Variants in CALD1 observed in about 807,000 individuals in gnomAD.
CALD1 encodes the protein caldesmon.
A neutral mutation model predicts 99.9 loss-of-function variants in CALD1; 33 were observed. That is an observed-to-expected ratio of 0.33 (90% CI 0.25 to 0.44). CALD1 has a LOEUF of 0.44. CALD1 is among the 20% of genes least tolerant of loss of function. CALD1 has a pLI of 1.00. For synonymous variants in CALD1, 310 were observed against 325.0 expected (o/e 0.95, Z 0.50); for missense variants, 861 against 962.1 (o/e 0.89, Z 1.39).
chr7:134,793,514 CTTTTTGTCCCT>C (rs982598255), intron 1 of CALD1, among the ~76,000 whole-genome samples: 2 of 152,090 alleles, frequency 1.3e-5, no homozygotes, highest in African/African-American at 2.4e-5. Context: ...TTATTTTAGC[CTTTTTGTCCCT>C]TTTTTGTCCC....
chr7:134,895,073 C>T (rs1025516800), intron 3 of CALD1, among the ~76,000 whole-genome samples: 1 of 149,976 alleles, frequency 6.7e-6, no homozygotes, highest in African/African-American at 2.5e-5. Flanking sequence ...TCTGAGGGAA[C>T]TGAATCCAAA....
At chr7:134,895,294 A>ATG (rs1284861877) in intron 3 of CALD1, among the ~76,000 whole-genome samples, 9 of 122,650 alleles carry the variant, frequency 7.3e-5, no homozygotes, top group African/African-American at 2.4e-4. Flanking sequence ...GGTTTTATAT[A>ATG]TGTATGTGTG....
At chr7:134,717,509 G>C in the CALD1 span, among the ~76,000 whole-genome samples, 1 of 152,216 alleles carries the variant, frequency 6.6e-6, no homozygotes, top group South Asian at 2.1e-4. Flanking sequence ...CTTTGATCCT[G>C]AGAATGAAGG....
intron 7 of CALD1, among the ~76,000 whole-genome samples, chr7:134,946,847 AT>A (rs543778930): frequency 1.9e-3 from 268 of 143,606 alleles, no homozygotes; most frequent in Middle Eastern, 3.5e-3. Flanking sequence ...CGCCCGGCTA[AT>A]TTTTTTTTTT....
chr7:134,912,488 G>A lies in CALD1; in HGVS notation c.72-16266G>A, dbSNP rs569631068. ...GGAGAGGACACTAATGCTTGTGAAC[G>A]CAGACCAGTGCGTCCTCAGCTCACA... On this transcript the variant is annotated intron_variant, in intron 3 of 14. Transcript: ENST00000361675. Among the ~76,000 whole-genome samples the A allele has an allele frequency of 4.6e-5, 7 of 152,300 alleles. 1 individual carries two copies. The South Asian group carries it at 1.4e-3, about 32-fold the overall frequency.
At chr7:134,945,891 G>A (rs3800752) in intron 7 of CALD1, among the ~76,000 whole-genome samples, 40,919 of 152,018 alleles carry the variant, frequency 0.27, 5,657 homozygotes, top group East Asian at 0.31. Flanking sequence ...GGGTAATTTC[G>A]TCTGCCAGAG....
chr7:134,873,209 A>G (rs184675818), intron 3 of CALD1, among the ~76,000 whole-genome samples: 8 of 143,690 alleles, frequency 5.6e-5, no homozygotes, highest in Admixed American at 5.1e-4. Context: ...CAAAACAAAA[A>G]AAACCCAAAA....
At chr7:134,965,108 T>A (rs1293419411) in intron 13 of CALD1, 198 bp from the exon 14 acceptor site, 5 of 460,510 alleles carry the variant, frequency 1.1e-5, no homozygotes, top group Non-Finnish European at 2.0e-5. Flanking sequence ...AGAGTGAGAC[T>A]CTGTCTCAAA....
intron 1 of CALD1, among the ~76,000 whole-genome samples, chr7:134,801,409 C>T (rs1031900587): frequency 1.3e-5 from 2 of 152,130 alleles, no homozygotes; most frequent in Non-Finnish European, 2.9e-5. Context: ...TCTAGCATCT[C>T]ACTCCCTATT....
chr7:134,935,208 CA>C (rs1415210561), intron 5 of CALD1, among the ~76,000 whole-genome samples: 1 of 152,048 alleles, frequency 6.6e-6, no homozygotes, highest in Non-Finnish European at 1.5e-5. Context: ...TTTCTGTCTG[CA>C]AGACTGCATT....
intron 1 of CALD1, among the ~76,000 whole-genome samples, chr7:134,805,986 C>G (rs551869906): frequency 1.3e-5 from 2 of 152,224 alleles, no homozygotes; most frequent in East Asian, 3.9e-4. Context: ...GCCTTGAACT[C>G]ATGACCTCAA....
chr7:134,930,287 G>A (rs576908805), intron 4 of CALD1, among the ~76,000 whole-genome samples: 4 of 152,248 alleles, frequency 2.6e-5, no homozygotes, highest in Non-Finnish European at 4.4e-5. Context: ...CTAATGGTTA[G>A]TATATGTCAT....
At chr7:134,958,407 A>ATTTTTT in intron 11 of CALD1, 117 bp downstream of exon 11, 1 of 529,604 alleles carries the variant, frequency 1.9e-6, no homozygotes, top group Non-Finnish European at 3.2e-6. Context: ...GAGTGTTAGA[A>ATTTTTT]TTTTTTTTTT....
At chr7:134,961,282 T>C (rs1808242857) in intron 13 of CALD1, 1 of 152,254 alleles carries the variant, frequency 6.6e-6, no homozygotes, top group East Asian at 1.9e-4. Context: ...TTGTTGAATG[T>C]ATACGACAAT....
At position 134,963,245 on chromosome 7, in the gene CALD1, G is replaced by A. The variant is rs141002883; in HGVS notation, c.2296-2061G>A. On this transcript the variant is annotated intron_variant, in intron 13 of 14. Coordinates refer to ENST00000361675, the MANE Select transcript of CALD1 (RefSeq NM_033138.4). ...CAGTTTGGCAGCTTCCACCTACGCT[G>A]GCAAATGTAGTGGAATTCTACAAAA... Among the ~76,000 whole-genome samples the A allele has an allele frequency of 2.4e-3, 364 of 152,250 alleles. 5 individuals carry two copies. Among genetic ancestry groups the A allele is most frequent in the African/African-American group, 8.5e-3 (353 of 41,542 alleles).
chr7:134,837,957 A>C (rs939615616), intron 1 of CALD1, among the ~76,000 whole-genome samples: 4 of 152,226 alleles, frequency 2.6e-5, no homozygotes. Flanking sequence ...TTTTAATGGG[A>C]AAGATCTATG....
chr7:134,862,427 C>G (rs188803897), intron 2 of CALD1, among the ~76,000 whole-genome samples: 4 of 152,208 alleles, frequency 2.6e-5, no homozygotes, highest in Admixed American at 1.3e-4. Context: ...TTGAAGGAAA[C>G]TTAAATGTGT....
rs572305539 is a variant in CALD1, at chr7:134,819,132, G to A, written c.-129-24752G>A. 3.0e-4 allele frequency among the ~76,000 whole-genome samples: 46 copies of A among 152,216 alleles called. No homozygotes were observed. In the East Asian group the frequency reaches 5.4e-3, roughly 18 times the overall value. On this transcript the variant is annotated intron_variant, in intron 1 of 14. Coordinates refer to ENST00000361675, the MANE Select transcript of CALD1 (RefSeq NM_033138.4). ...CTGACTAGATGAAGTAAGAACCGTC[G>A]TGAGGCCCAGGAGCAAGAAAAAAAG...
chr7:134,933,494 A>G lies in CALD1; in HGVS notation c.725A>G (p.Glu242Gly). 1 of 1,614,044 alleles carries G rather than the reference A, an allele frequency of 6.2e-7. No homozygotes were observed. The stretch of plus-strand genomic sequence containing the variant: ...AGTTCAGAAGAGCCTAAACAAGAGG[A>G]GGAGAGGGAACAAGGTTCAGATGAG... ...QISSEEPKQE[E>G]EREQGSDEIS... Residue 242 changes from glutamate to glycine, a missense_variant, in exon 5 of 15, where the codon GAG becomes GGG. Physicochemically the swap from Glu to Gly is moderately conservative, Grantham distance 98 (BLOSUM62 -2). Around this residue, in one of 5 missense-constraint regions of CALD1, gnomAD observed 234 missense variants for 233.1 expected, o/e 1.00. Transcript: ENST00000361675.
Sources: allele counts gnomAD v4.1 joint callset (sites outside exome capture counted in the v4.1 genomes callset), GRCh38; gene constraint gnomAD v4.1.1; regional missense constraint gnomAD v4.1.1; transcripts MANE v1.5; gene names NCBI Gene and HGNC (gene_info 2026-07-23, HGNC 2026-07-21).